Variants in CREB5 observed in about 807,000 individuals in gnomAD.
CREB5 encodes the protein cyclic AMP-responsive element-binding protein 5.
CREB5 carries 19 observed loss-of-function variants against 57.1 expected under a neutral mutation model. That is an observed-to-expected ratio of 0.33 (90% CI 0.23 to 0.49). The LOEUF (loss-of-function observed/expected upper bound fraction) is 0.49, where lower values mean the gene tolerates loss of function less well. CREB5 is among the 20% of genes least tolerant of loss of function. The pLI is 0.99. For synonymous variants in CREB5, 238 were observed against 238.3 expected (o/e 1.00, Z 0.01); for missense variants, 579 against 671.6 (o/e 0.86, Z 1.52).
chr7:28,353,570 G>A (rs530306894), intron 1 of CREB5, among the ~76,000 whole-genome samples: 11 of 152,226 alleles, frequency 7.2e-5, no homozygotes, highest in Admixed American at 1.3e-4. Flanking sequence ...GGGTCCAGGC[G>A]CGGTGGCTCA....
chr7:28,340,167 G>A (rs1785907413), intron 1 of CREB5, among the ~76,000 whole-genome samples: 1 of 152,120 alleles, frequency 6.6e-6, no homozygotes, highest in Non-Finnish European at 1.5e-5. Flanking sequence ...GCAAGATAAA[G>A]TCCTGTTTAC....
chr7:28,698,465 C>T (rs963663400), intron 5 of CREB5, among the ~76,000 whole-genome samples: 1 of 152,020 alleles, frequency 6.6e-6, no homozygotes, highest in Admixed American at 6.6e-5. Context: ...CATGAGTCCC[C>T]TCCCAATACT....
chr7:28,412,704 G>C lies in CREB5; in HGVS notation c.-211G>C, dbSNP rs1340562637. ...TACCAGAGTCTAGGAGGTACCTCTGGGTTGCAGAAGTAATTGTAAAATACC... is the reference window on the plus strand; with the variant it reads ...TACCAGAGTCTAGGAGGTACCTCTGCGTTGCAGAAGTAATTGTAAAATACC... On this transcript the variant is annotated 5_prime_UTR_variant, in exon 1 of 11. Transcript: ENST00000357727. 15 of 402,302 alleles carry C rather than the reference G, an allele frequency of 3.7e-5. No individual in the cohort carries two copies. In the Admixed American group the frequency reaches 6.5e-4, roughly 18 times the overall value. 24.9% of individuals were successfully genotyped at this position (402,302 alleles called of 1,614,324 possible). A position where few individuals can be genotyped will look rare whatever the true frequency, so the allele number is the denominator to read the frequency against.
chr7:28,556,836 GGA>G (rs772659446), intron 4 of CREB5, among the ~76,000 whole-genome samples: 6 of 152,156 alleles, frequency 3.9e-5, no homozygotes, highest in Non-Finnish European at 5.9e-5. Flanking sequence ...AAGGAAGCAG[GGA>G]GACACTGGGC....
At chr7:28,593,438 G>T (rs1019136555) in intron 5 of CREB5, among the ~76,000 whole-genome samples, 4 of 152,042 alleles carry the variant, frequency 2.6e-5, no homozygotes, top group African/African-American at 9.7e-5. Context: ...TAGTGGAGAT[G>T]GGGTTTTACC....
rs1387690726 is a variant in CREB5, at chr7:28,621,659, C to A, written c.464+51122C>A. 5.9e-5 allele frequency among the ~76,000 whole-genome samples: 9 copies of A among 152,096 alleles called. 1 individual carries two copies. Among genetic ancestry groups the A allele is most frequent in the Admixed American group, 5.9e-4 (9 of 15,264 alleles). On this transcript the variant is annotated intron_variant, in intron 5 of 10. Coordinates refer to ENST00000357727, the MANE Select transcript of CREB5 (RefSeq NM_182898.4). ...CATTTAAAAGAGTGATAAATTTATG[C>A]CAGCCCATGATCTCACTCCCCTGAG... is the stretch of plus-strand genomic sequence containing the variant.
At chr7:28,571,661 G>T (rs1284473973) in intron 5 of CREB5, among the ~76,000 whole-genome samples, 2 of 152,150 alleles carry the variant, frequency 1.3e-5, no homozygotes. Context: ...CTGAGGATCC[G>T]CAGCGTGGGC....
In CREB5 at chr7:28,491,745, G is replaced by A. The variant is rs1242510864; in HGVS notation, c.76-3161G>A. Among the ~76,000 whole-genome samples, 3 of 152,272 alleles carry A rather than the reference G, an allele frequency of 2.0e-5. No individual in the cohort carries two copies. The East Asian group carries it at 5.8e-4, about 29-fold the overall frequency. On this transcript the variant is annotated intron_variant, in intron 2 of 10. Transcript: ENST00000357727. ...CACCCAGCAGTCACAAAGGTCTCCT[G>A]GGTTATTAGAAACTCACAGTCAAGC... is the stretch of plus-strand genomic sequence containing the variant.
intron 7 of CREB5, among the ~76,000 whole-genome samples, chr7:28,780,583 G>A (rs144989070): frequency 8.5e-4 from 129 of 152,198 alleles, no homozygotes; most frequent in African/African-American, 3.1e-3. Context: ...TTAGCCAGGT[G>A]TGGTGGCGTG....
chr7:28,724,463 G>A (rs1053104647), intron 7 of CREB5, 131 bp downstream of exon 7: 14 of 696,780 alleles, frequency 2.0e-5, no homozygotes, highest in African/African-American at 5.4e-5. Context: ...AGGCAGTGCA[G>A]AGACTGCCTC....
intron 1 of CREB5, among the ~76,000 whole-genome samples, chr7:28,371,464 G>A (rs1786703512): frequency 6.8e-6 from 1 of 146,570 alleles, no homozygotes; most frequent in South Asian, 2.2e-4. Context: ...ACTCCAGTCT[G>A]GGAGACAGAG....
chr7:28,517,243 ACTGTCT>A (rs987956761), intron 4 of CREB5, among the ~76,000 whole-genome samples: 14 of 152,186 alleles, frequency 9.2e-5, no homozygotes, highest in Non-Finnish European at 1.8e-4. Flanking sequence ...GTTGCAAGAA[ACTGTCT>A]CTGCCTCCAT....
intron 1 of CREB5, among the ~76,000 whole-genome samples, chr7:28,376,593 A>G (rs1786834499): frequency 6.6e-6 from 1 of 152,184 alleles, no homozygotes; most frequent in South Asian, 2.1e-4. Flanking sequence ...TATGTTCTCA[A>G]CATGTTAATG....
chr7:28,640,754 C>T (rs1468431746), intron 5 of CREB5, among the ~76,000 whole-genome samples: 1 of 152,152 alleles, frequency 6.6e-6, no homozygotes, highest in Non-Finnish European at 1.5e-5. Context: ...GCTCATTCCT[C>T]TCCTTCTTCA....
chr7:28,754,500 G>A (rs1322559968), intron 7 of CREB5, among the ~76,000 whole-genome samples: 1 of 152,214 alleles, frequency 6.6e-6, no homozygotes, highest in Admixed American at 6.5e-5. Context: ...CAAGATCCAT[G>A]AGGGATCGCT....
intron 1 of CREB5, among the ~76,000 whole-genome samples, chr7:28,372,030 G>T (rs7782838): frequency 0.81 from 123,513 of 151,884 alleles, 50,458 homozygotes; most frequent in East Asian, 1. Context: ...GTTCTGGGGA[G>T]TATCGAGCCC....
chr7:28,536,841 T>G (rs216722), intron 4 of CREB5, among the ~76,000 whole-genome samples: 92,207 of 152,044 alleles, frequency 0.61, 28,171 homozygotes, highest in South Asian at 0.7. Context: ...AAGCTTAGCA[T>G]ACTGAAGCCC....
intron 7 of CREB5, among the ~76,000 whole-genome samples, chr7:28,751,635 G>A (rs1259197976): frequency 6.6e-6 from 1 of 152,112 alleles, no homozygotes; most frequent in African/African-American, 2.4e-5. Context: ...TTAAACTAAT[G>A]GAAAAGTCGC....
At chr7:28,814,660 TAAA>T (rs527729551) in intron 9 of CREB5, among the ~76,000 whole-genome samples, 4 of 151,674 alleles carry the variant, frequency 2.6e-5, no homozygotes, top group African/African-American at 9.7e-5. Context: ...GCTTGTAGAA[TAAA>T]AAAAAATTCT....
Sources: allele counts gnomAD v4.1 joint callset (sites outside exome capture counted in the v4.1 genomes callset), GRCh38; gene constraint gnomAD v4.1.1; transcripts MANE v1.5; gene names NCBI Gene and HGNC (gene_info 2026-07-23, HGNC 2026-07-21).